The following TAFA1 variants were observed in gnomAD, a reference collection of about 807,000 sequenced individuals.
TAFA1 encodes the protein TAFA chemokine like family member 1, also known as chemokine-like protein TAFA-1.
A neutral mutation model predicts 18.5 loss-of-function variants in TAFA1; 4 were observed. That is an observed-to-expected ratio of 0.22 (90% CI 0.11 to 0.49). TAFA1 has a LOEUF of 0.49. TAFA1 is among the 20% of genes least tolerant of loss of function. TAFA1 has a pLI of 0.98. For missense variants in TAFA1, 147 were observed against 169.0 expected (o/e 0.87, Z 0.72); for synonymous variants, 56 against 55.2 (o/e 1.01, Z -0.06).
chr3:68,318,752 A>C (rs1394749976), intron 2 of TAFA1, among the ~76,000 whole-genome samples: 1 of 152,236 alleles, frequency 6.6e-6, no homozygotes, highest in South Asian at 2.1e-4. Flanking sequence ...CCTTATGATT[A>C]CTTAAAAGAT....
chr3:68,414,234 G>C (rs1575845835), intron 2 of TAFA1, among the ~76,000 whole-genome samples: 1 of 152,282 alleles, frequency 6.6e-6, no homozygotes, highest in South Asian at 2.1e-4. Context: ...TTGAACCTGG[G>C]AAGCAGAGGT....
chr3:68,389,849 C>T (rs2070189502), intron 2 of TAFA1, among the ~76,000 whole-genome samples: 2 of 152,128 alleles, frequency 1.3e-5, no homozygotes, highest in South Asian at 4.1e-4. Flanking sequence ...ACGCTTTTCC[C>T]AAAGTCTTTG....
At chr3:68,521,744 T>C (rs540300934) in intron 3 of TAFA1, among the ~76,000 whole-genome samples, 1 of 151,350 alleles carries the variant, frequency 6.6e-6, no homozygotes, top group Admixed American at 6.6e-5. Flanking sequence ...ACAGAACTCA[T>C]AAGGGATAGG....
chr3:68,432,001 T>A (rs1373551282), intron 3 of TAFA1, among the ~76,000 whole-genome samples: 1 of 152,012 alleles, frequency 6.6e-6, no homozygotes, highest in Non-Finnish European at 1.5e-5. Flanking sequence ...TGCTTTCTCA[T>A]ACAATGTCTG....
intron 3 of TAFA1, among the ~76,000 whole-genome samples, chr3:68,461,521 C>T (rs555081556): frequency 6.6e-6 from 1 of 151,410 alleles, no homozygotes; most frequent in African/African-American, 2.4e-5. Flanking sequence ...GTAGAGGTGA[C>T]AAATTGAAGA....
intron 3 of TAFA1, among the ~76,000 whole-genome samples, chr3:68,433,642 G>T (rs1347812867): frequency 5.9e-5 from 9 of 152,056 alleles, no homozygotes; most frequent in African/African-American, 2.2e-4. Flanking sequence ...TTGTACTTAT[G>T]TAGTGGGACA....
intron 3 of TAFA1, among the ~76,000 whole-genome samples, chr3:68,425,696 C>G (rs1161956175): frequency 6.6e-6 from 1 of 151,958 alleles, no homozygotes; most frequent in Non-Finnish European, 1.5e-5. Context: ...CTAATAAAGA[C>G]AGCTGGAATT....
At chr3:68,350,642 T>C (rs2069250469) in intron 2 of TAFA1, among the ~76,000 whole-genome samples, 1 of 152,126 alleles carries the variant, frequency 6.6e-6, no homozygotes, top group Admixed American at 6.6e-5. Flanking sequence ...TTGGATGTAA[T>C]TTAAATTCCT....
At chr3:68,491,685 T>C (rs1201122134) in intron 3 of TAFA1, among the ~76,000 whole-genome samples, 1 of 150,882 alleles carries the variant, frequency 6.6e-6, no homozygotes, top group Non-Finnish European at 1.5e-5. Flanking sequence ...AAACTTAAAG[T>C]ATAATAAATA....
rs143183949 is a variant in TAFA1 at position 68,006,603 on chromosome 3, C to T, written c.-3-21C>T. 6.8e-4 allele frequency: 1,060 copies of T among 1,563,586 alleles called. 9 individuals carry two copies. The African/African-American group carries it at 0.012, about 18-fold the overall frequency. On this transcript the variant is annotated intron_variant, in intron 1 of 4. Coordinates refer to ENST00000478136, the MANE Select transcript of TAFA1 (RefSeq NM_213609.4). ...GGGCTTGAAGCCGGAGGTAACCTTTCCTGTCGAATGTTCTCTTTAGAGAAT... is the reference window on the plus strand; with the variant it reads ...GGGCTTGAAGCCGGAGGTAACCTTTTCTGTCGAATGTTCTCTTTAGAGAAT...
chr3:68,370,468 GTGTGTATATATA>G (rs1448684446), intron 2 of TAFA1, among the ~76,000 whole-genome samples: 30 of 16,620 alleles, frequency 1.8e-3, no homozygotes, highest in South Asian at 4.3e-3. Context: ...GTGTGTGTGT[GTGTGTATATATA>G]TATATATATA....
rs1378624042 is a variant in TAFA1, at chr3:68,134,453, T to A, written c.118+127709T>A. On this transcript the variant is annotated intron_variant, in intron 2 of 4. Coordinates refer to ENST00000478136, the MANE Select transcript of TAFA1 (RefSeq NM_213609.4). ...TTTAAAGATCCGTATAGCTCCTTTGTTAGCCACTGACATTTAGACAAACAA... is the reference window on the plus strand; with the variant it reads ...TTTAAAGATCCGTATAGCTCCTTTGATAGCCACTGACATTTAGACAAACAA... Among the ~76,000 whole-genome samples, 6 of 152,210 alleles carry A rather than the reference T, an allele frequency of 3.9e-5. No individual in the cohort carries two copies. In the East Asian group the frequency reaches 1.2e-3, roughly 29 times the overall value.
At chr3:68,026,659 C>G (rs1704823715) in intron 2 of TAFA1, among the ~76,000 whole-genome samples, 1 of 152,014 alleles carries the variant, frequency 6.6e-6, no homozygotes, top group African/African-American at 2.4e-5. Context: ...AGTAAATTTC[C>G]CAATGTCTCA....
chr3:68,173,034 T>A (rs1182122174), intron 2 of TAFA1, among the ~76,000 whole-genome samples: 1 of 151,896 alleles, frequency 6.6e-6, no homozygotes, highest in African/African-American at 2.4e-5. Context: ...AATCTGAGGA[T>A]TTTTTTTAAG....
At chr3:68,364,239 T>C (rs1408526635) in intron 2 of TAFA1, among the ~76,000 whole-genome samples, 5 of 152,176 alleles carry the variant, frequency 3.3e-5, no homozygotes, top group African/African-American at 9.7e-5. Context: ...TTGTTTAAAA[T>C]ACAGATCCCT....
chr3:68,541,676 G>A (rs910930258), intron 4 of TAFA1, among the ~76,000 whole-genome samples: 1 of 151,812 alleles, frequency 6.6e-6, no homozygotes, highest in African/African-American at 2.4e-5. Flanking sequence ...AATAAAGTTG[G>A]GGAAACACAC....
rs149784796 is a variant in TAFA1 at position 68,178,066 on chromosome 3, C to T, written c.118+171322C>T. On this transcript the variant is annotated intron_variant, in intron 2 of 4. Coordinates refer to ENST00000478136, the MANE Select transcript of TAFA1 (RefSeq NM_213609.4). ...GGCTGAGGCAGGAGAATGGCGTGAA[C>T]CTGGGAGGCGGAGCTTGCAGTGAGC... Among the ~76,000 whole-genome samples, 1,229 of 152,138 alleles carry T rather than the reference C, an allele frequency of 8.1e-3. 18 individuals carry two copies. The highest frequency in any genetic ancestry group is 0.028 in the African/African-American group (1,157 of 41,496).
intron 2 of TAFA1, among the ~76,000 whole-genome samples, chr3:68,059,003 G>T (rs931677381): frequency 6.6e-6 from 1 of 152,114 alleles, no homozygotes; most frequent in Non-Finnish European, 1.5e-5. Context: ...ATTCCCACAT[G>T]ATAATGAGTA....
At chr3:68,522,113 C>T (rs1472280440) in intron 3 of TAFA1, among the ~76,000 whole-genome samples, 1 of 151,940 alleles carries the variant, frequency 6.6e-6, no homozygotes, top group Non-Finnish European at 1.5e-5. Flanking sequence ...TCCCAAAGTA[C>T]TTGGATTCCA....
Sources: allele counts gnomAD v4.1 joint callset (sites outside exome capture counted in the v4.1 genomes callset), GRCh38; gene constraint gnomAD v4.1.1; transcripts MANE v1.5; gene names NCBI Gene and HGNC (gene_info 2026-07-23, HGNC 2026-07-21).